Variants in SPOCD1 observed in about 807,000 individuals in gnomAD.
The protein encoded by SPOCD1 is SPOC domain containing 1, also known as SPOC domain-containing protein 1.
Under a neutral mutation model 92.2 loss-of-function variants are expected in SPOCD1, and 64 were observed. The observed-to-expected ratio is 0.69, with a 90% CI of 0.57 to 0.86. The LOEUF is 0.86. Among genes scored for constraint, SPOCD1 ranks in the 40% least tolerant of loss-of-function variants. The pLI is 0.00. For synonymous variants in SPOCD1, 578 were observed against 619.3 expected, an observed-to-expected ratio of 0.93 and a Z score of 0.99; for missense variants, 1,360 against 1,543.1, an observed-to-expected ratio of 0.88 and a Z score of 1.99.
At chr1:31,793,519 C>T in intron 12 of SPOCD1, 91 bp from the exon 13 acceptor site, 3 of 1,527,848 alleles carry the variant, frequency 2.0e-6, no homozygotes, top group African/African-American at 2.8e-5. Context: ...ATCCTGTGTC[C>T]CTACTGTGGG....
At chr1:31,799,616 C>T (rs1648292433) in intron 6 of SPOCD1, 131 bp from the exon 7 acceptor site, 2 of 1,076,516 alleles carry the variant, frequency 1.9e-6, no homozygotes, top group South Asian at 3.0e-5. Flanking sequence ...CTCCCTCTAT[C>T]CATCTGGGAG....
rs530616100 is a variant in SPOCD1, at chr1:31,811,982, C to A, written c.1383+1969G>T. Among the ~76,000 whole-genome samples, 41 of 152,308 alleles carry A rather than the reference C, an allele frequency of 2.7e-4. 2 individuals are homozygous for A. In the South Asian group the frequency reaches 8.1e-3, roughly 30 times the overall value. On this transcript the variant is annotated intron_variant, in intron 2 of 15. Transcript: ENST00000360482. Reference sequence around the variant, plus strand: ...TTCTGGGCATCTGGTCCAAATAAATCATGTGAAGAAGGGAGGAGCCAGACG... The same window carrying A: ...TTCTGGGCATCTGGTCCAAATAAATAATGTGAAGAAGGGAGGAGCCAGACG...
At chr1:31,807,817 T>C (rs1046822761) in intron 2 of SPOCD1, among the ~76,000 whole-genome samples, 4 of 152,082 alleles carry the variant, frequency 2.6e-5, no homozygotes, top group African/African-American at 9.7e-5. Flanking sequence ...TAATTACAAG[T>C]GCGCAGTCCT....
At chr1:31,796,270 C>T (rs548592046) in intron 10 of SPOCD1, 34 of 433,570 alleles carry the variant, frequency 7.8e-5, no homozygotes, top group Non-Finnish European at 1.4e-4. Context: ...CAGCCTGCTG[C>T]TTCCCAGCAG....
chr1:31,794,110 G>A lies in SPOCD1; in HGVS notation c.2383+14C>T, dbSNP rs928411628. 1.2e-5 allele frequency: 17 copies of A among 1,476,154 alleles called. No individual in the cohort carries two copies. Among genetic ancestry groups the A allele is most frequent in the East Asian group, 2.3e-5 (1 of 42,826 alleles). The allele number at this position is 1,476,154 out of a possible 1,614,324, so 91.4% of individuals were successfully genotyped here. ...TGGCTGCCACCCCTGCACCCCTCCC[G>A]TGTCCCCTCCCACCCTTGCAGATGT... On this transcript the variant is annotated intron_variant, in intron 11 of 15. Coordinates refer to ENST00000360482, the MANE Select transcript of SPOCD1 (RefSeq NM_144569.7).
rs541078991 is a variant in SPOCD1 at position 31,809,939 on chromosome 1, C to T, written c.1383+4012G>A. Among the ~76,000 whole-genome samples, 6 of 152,320 alleles carry T rather than the reference C, an allele frequency of 3.9e-5. No homozygotes were observed. The South Asian group carries it at 1.2e-3, about 32-fold the overall frequency. ...CCACCTGTAACCCCCACCCTCTACT[C>T]CTGCAACACTCCAAGCTGCCTCTTG... On this transcript the variant is annotated intron_variant, in intron 2 of 15. Coordinates refer to ENST00000360482, the MANE Select transcript of SPOCD1 (RefSeq NM_144569.7).
Position 31,813,189 on chromosome 1 carries a change from C to T in SPOCD1, c.1383+762G>A, listed in dbSNP as rs184154282. ...GGCTAACGCCTATCTTACAGGGTAA[C>T]TGTGAACACTAAAGGAAAAGCAAAT... On this transcript the variant is annotated intron_variant, in intron 2 of 15. Transcript: ENST00000360482. Among the ~76,000 whole-genome samples the T allele has an allele frequency of 9.5e-4, 145 of 152,340 alleles. 1 individual carries two copies. Among genetic ancestry groups the T allele is most frequent in the Admixed American group, 2.2e-3 (34 of 15,300 alleles).
chr1:31,790,499 G>A lies in SPOCD1; in HGVS notation c.*104C>T. On this transcript the variant is annotated 3_prime_UTR_variant, in exon 16 of 16. Transcript: ENST00000360482. ...CAAACAGGAAGTTCAAACAGGGCAG[G>A]TGGGTAGGGCTGACCATCCTCTCCT... 9.8e-7 allele frequency: 1 copy of A among 1,021,914 alleles called. No homozygotes were observed. The highest frequency in any genetic ancestry group is 1.4e-6 in the Non-Finnish European group (1 of 705,564). 63.3% of individuals were successfully genotyped at this position (1,021,914 alleles called of 1,614,324 possible). A position where few individuals can be genotyped will look rare whatever the true frequency, so the allele number is the denominator to read the frequency against.
At chr1:31,805,788 G>A (rs1224373671) in intron 2 of SPOCD1, among the ~76,000 whole-genome samples, 1 of 151,820 alleles carries the variant, frequency 6.6e-6, no homozygotes, top group Admixed American at 6.6e-5. Context: ...TATAACAAAT[G>A]TAAATGTACT....
At chr1:31,803,784 A>AGAAAG (rs936798967) in intron 2 of SPOCD1, among the ~76,000 whole-genome samples, 3 of 150,732 alleles carry the variant, frequency 2.0e-5, no homozygotes, top group African/African-American at 7.4e-5. Context: ...AGAAAGGAGA[A>AGAAAG]GAAAGGAAAG....
chr1:31,794,816 TATA>T (rs1349520626), intron 10 of SPOCD1: 1 of 152,228 alleles, frequency 6.6e-6, no homozygotes, highest in African/African-American at 2.4e-5. Flanking sequence ...CCCAGCCCTT[TATA>T]ATCTTTTTCT....
chr1:31,800,082 G>A lies in SPOCD1; in HGVS notation c.1662C>T (p.Pro554=), dbSNP rs780187826. The change falls in exon 5 of 16, where the codon CCC becomes CCT. Residue 554 remains proline, a synonymous_variant. Coordinates refer to ENST00000360482, the MANE Select transcript of SPOCD1 (RefSeq NM_144569.7). ...TAGDPGGLSD[P]FYPPRSGSLA... ...GGGAACCGCTTCTTGGAGGGTAGAA[G>A]GGGTCAGAGAGGCCACCAGGGTCCC... 3 of 1,607,074 alleles carry A rather than the reference G, an allele frequency of 1.9e-6. No homozygotes were observed. The highest frequency in any genetic ancestry group is 2.5e-6 in the Non-Finnish European group (3 of 1,178,056).
Position 31,815,174 on chromosome 1 carries a change from C to G in SPOCD1, c.160G>C (p.Gly54Arg). The G allele has an allele frequency of 6.2e-7, 1 of 1,607,428 alleles. No individual in the cohort carries two copies. Residue 54 changes from glycine to arginine, a missense_variant, in exon 2 of 16, where the codon GGC becomes CGC. By Grantham distance (125) the Gly-to-Arg change is moderately radical. This residue lies in a region of SPOCD1 where 140 missense variants were observed against 183.8 expected (regional missense o/e 0.76). Coordinates refer to ENST00000360482, the MANE Select transcript of SPOCD1 (RefSeq NM_144569.7). ...TTCCTGGGGATCTTCCTTCTGCTGC[C>G]AGCCCTGACTCCGGGCCCAGAGCTT... Reference protein sequence around the residue: ...GASSGPGVRAGSRRKIPRKEA... With the variant: ...GASSGPGVRARSRRKIPRKEA...
chr1:31,801,997 G>A lies in SPOCD1; in HGVS notation c.1384-292C>T, dbSNP rs113085695. On this transcript the variant is annotated intron_variant, in intron 2 of 15. Transcript: ENST00000360482. ...AGCCTGGCCAACCTGGTGAAACCCCGTCTCTACTAAAAATACAAAAATTAG... is the reference window on the plus strand; with the variant it reads ...AGCCTGGCCAACCTGGTGAAACCCCATCTCTACTAAAAATACAAAAATTAG... Among the ~76,000 whole-genome samples the A allele has an allele frequency of 3.5e-3, 538 of 152,192 alleles. 3 individuals carry two copies. The highest frequency in any genetic ancestry group is 0.014 in the East Asian group (72 of 5,178).
At chr1:31,801,520 G>C in intron 3 of SPOCD1, 144 bp downstream of exon 3, 2 of 674,352 alleles carry the variant, frequency 3.0e-6, no homozygotes, top group South Asian at 3.6e-5. Flanking sequence ...CAACATTATA[G>C]AGGGAGGGGA....
Position 31,798,052 on chromosome 1 carries a change from C to G in SPOCD1, c.2145+155G>C, listed in dbSNP as rs1648147996. On this transcript the variant is annotated intron_variant, in intron 9 of 15. Transcript: ENST00000360482. This position sits in a 1 kb window ranked among gnomAD's most constrained non-coding sequence, Gnocchi z 4.1. ...CCTGTTTCTCTTGTGGGGAGGGTCT[C>G]TCTGACTCCCTATCTGCCTTCTCTG... 6.6e-6 allele frequency among the ~76,000 whole-genome samples: 1 copy of G among 152,184 alleles called. No individual in the cohort carries two copies. The highest frequency in any genetic ancestry group is 2.4e-5 in the African/African-American group (1 of 41,440).
intron 15 of SPOCD1, among the ~76,000 whole-genome samples, chr1:31,791,684 T>C (rs1249350887): frequency 6.6e-6 from 1 of 152,188 alleles, no homozygotes; most frequent in Non-Finnish European, 1.5e-5. Context: ...CCCTCCTCTC[T>C]GAGGTGACAT....
chr1:31,800,252 CA>C, intron 4 of SPOCD1, 111 bp from the exon 5 acceptor site: 1 of 1,503,172 alleles, frequency 6.7e-7, no homozygotes, highest in Middle Eastern at 2.0e-4. Context: ...ACCCTGAATT[CA>C]GAGCTGCAGA....
intron 2 of SPOCD1, among the ~76,000 whole-genome samples, chr1:31,810,923 C>T (rs1410213876): frequency 6.6e-6 from 1 of 152,192 alleles, no homozygotes; most frequent in Non-Finnish European, 1.5e-5. Flanking sequence ...TTGCCCCACA[C>T]ACACACACCC....
Sources: allele counts gnomAD v4.1 joint callset (sites outside exome capture counted in the v4.1 genomes callset), GRCh38; gene constraint gnomAD v4.1.1; regional missense constraint gnomAD v4.1.1; non-coding constraint Gnocchi (gnomAD v3.1); transcripts MANE v1.5; gene names NCBI Gene and HGNC (gene_info 2026-07-23, HGNC 2026-07-21).